ASTN2: variants seen among roughly 807,000 people sequenced by gnomAD.
The protein encoded by ASTN2 is astrotactin-2.
Under a neutral mutation model 139.8 loss-of-function variants are expected in ASTN2, and 54 were observed. That is an observed-to-expected ratio of 0.39 (90% CI 0.31 to 0.48). The LOEUF is 0.48. Among genes scored for constraint, ASTN2 ranks in the 20% least tolerant of loss-of-function variants. The pLI is 0.95. For synonymous variants in ASTN2, 756 were observed against 719.5 expected (o/e 1.05, Z -0.81); for missense variants, 1,565 against 1,725.1 (o/e 0.91, Z 1.64).
intron 2 of ASTN2, among the ~76,000 whole-genome samples, chr9:117,217,387 G>A (rs1310171969): frequency 2.0e-5 from 3 of 152,108 alleles, no homozygotes; most frequent in African/African-American, 7.2e-5. Flanking sequence ...CCCGATTATG[G>A]TTGTGGGACT....
intron 4 of ASTN2, among the ~76,000 whole-genome samples, chr9:117,098,786 A>C (rs975858740): frequency 6.6e-6 from 1 of 151,764 alleles, no homozygotes; most frequent in Non-Finnish European, 1.5e-5. Context: ...GTTAAAAAAA[A>C]AAAAAAGAAG....
rs568435858 is a variant in ASTN2, at chr9:117,090,360, C to T, written c.1276+5684G>A. On this transcript the variant is annotated intron_variant, in intron 5 of 22. Coordinates refer to ENST00000313400, the MANE Select transcript of ASTN2 (RefSeq NM_001365068.1). ...TTTTTCTCCATCCCTTTGCCTTTTT[C>T]TCCTTCCTTCCACTCTCCATATTGA... 1.6e-4 allele frequency among the ~76,000 whole-genome samples: 25 copies of T among 152,268 alleles called. No homozygotes were observed. The South Asian group carries it at 4.4e-3, about 27-fold the overall frequency.
At chr9:117,221,684 A>G (rs1832523557) in intron 2 of ASTN2, among the ~76,000 whole-genome samples, 2 of 151,854 alleles carry the variant, frequency 1.3e-5, no homozygotes, top group Non-Finnish European at 2.9e-5. Flanking sequence ...ATGGCTGAGA[A>G]CTGGTGATCC....
intron 4 of ASTN2, among the ~76,000 whole-genome samples, chr9:117,117,026 T>C (rs1013919136): frequency 6.6e-6 from 1 of 151,988 alleles, no homozygotes; most frequent in Non-Finnish European, 1.5e-5. Flanking sequence ...ATACCTCTTG[T>C]GGACAATATG....
intron 2 of ASTN2, among the ~76,000 whole-genome samples, chr9:117,217,521 A>C (rs1832365203): frequency 6.6e-6 from 1 of 152,208 alleles, no homozygotes; most frequent in Admixed American, 6.5e-5. Flanking sequence ...GCCTTCCAGT[A>C]GTAAATGGCT....
At chr9:117,409,208 T>C (rs934599054) in intron 1 of ASTN2, among the ~76,000 whole-genome samples, 1 of 152,182 alleles carries the variant, frequency 6.6e-6, no homozygotes, top group East Asian at 1.9e-4. Context: ...AAAAGTGGAA[T>C]TGATGCTAAT....
chr9:116,822,761 T>C (rs1262437978), intron 11 of ASTN2, among the ~76,000 whole-genome samples: 1 of 152,186 alleles, frequency 6.6e-6, no homozygotes, highest in African/African-American at 2.4e-5. Flanking sequence ...AGTGGTAGGC[T>C]GATAATGGAT....
intron 1 of ASTN2, among the ~76,000 whole-genome samples, chr9:117,373,609 G>A (rs1248468360): frequency 6.6e-6 from 1 of 152,190 alleles, no homozygotes; most frequent in African/African-American, 2.4e-5. Flanking sequence ...AGAGTTCATA[G>A]AAGGAACCCA....
chr9:116,579,760 T>C (rs1023802837), intron 19 of ASTN2, among the ~76,000 whole-genome samples: 36 of 152,194 alleles, frequency 2.4e-4, no homozygotes, highest in African/African-American at 8.7e-4. Flanking sequence ...CCGGCTCTGC[T>C]GTGCCATAGG....
intron 16 of ASTN2, among the ~76,000 whole-genome samples, chr9:116,678,315 G>A (rs917276309): frequency 1.3e-5 from 2 of 152,150 alleles, no homozygotes; most frequent in Non-Finnish European, 2.9e-5. Flanking sequence ...AGACCTTATC[G>A]TCACTTCTGT....
chr9:117,095,470 C>T (rs1031195541), intron 5 of ASTN2, among the ~76,000 whole-genome samples: 12 of 152,228 alleles, frequency 7.9e-5, no homozygotes, highest in African/African-American at 2.9e-4. Flanking sequence ...GTTGAAGAAA[C>T]TGCCTAGAAA....
intron 4 of ASTN2, among the ~76,000 whole-genome samples, chr9:117,121,021 A>G (rs1419011278): frequency 1.3e-5 from 2 of 152,234 alleles, no homozygotes; most frequent in Admixed American, 6.5e-5. Flanking sequence ...GGTACACAGT[A>G]TGTGTCCATT....
chr9:116,836,823 T>C (rs189863593), intron 11 of ASTN2, among the ~76,000 whole-genome samples: 1 of 151,974 alleles, frequency 6.6e-6, no homozygotes, highest in South Asian at 2.1e-4. Flanking sequence ...GCCAGAAAAA[T>C]AGAGAAAATG....
At chr9:117,000,307 A>T (rs1248807936) in intron 7 of ASTN2, among the ~76,000 whole-genome samples, 3 of 152,252 alleles carry the variant, frequency 2.0e-5, no homozygotes, top group Admixed American at 2.0e-4. Flanking sequence ...GAGAAGAGAG[A>T]ATTTAAACCT....
intron 6 of ASTN2, among the ~76,000 whole-genome samples, chr9:117,036,241 T>G (rs879651080): frequency 6.6e-6 from 1 of 152,282 alleles, no homozygotes; most frequent in Admixed American, 6.5e-5. Context: ...TATTATGGCA[T>G]GTAAGGGATG....
At chr9:116,723,936 C>T (rs935751590) in intron 16 of ASTN2, among the ~76,000 whole-genome samples, 2 of 143,856 alleles carry the variant, frequency 1.4e-5, no homozygotes, top group African/African-American at 5.2e-5. Context: ...AGGGGGACCC[C>T]TCCAGCTGTT....
chr9:117,201,467 T>A (rs1049974596), intron 3 of ASTN2, among the ~76,000 whole-genome samples: 18 of 152,196 alleles, frequency 1.2e-4, no homozygotes, highest in African/African-American at 4.3e-4. Flanking sequence ...CTTTCTGATG[T>A]GGGCATTTAG....
rs369547333 is a variant in ASTN2 at position 116,844,658 on chromosome 9, T to C, written c.2040+18925A>G. On this transcript the variant is annotated intron_variant, in intron 11 of 22. Transcript: ENST00000313400. The stretch of plus-strand genomic sequence containing the variant: ...GTCCCTAACATAGTATCTAGCACAA[T>C]GGTAAGATCCTGATTGTTATAAAAG... Among the ~76,000 whole-genome samples the C allele has an allele frequency of 2.2e-4, 34 of 151,686 alleles. No individual in the cohort carries two copies. The East Asian group carries it at 3.1e-3, about 14-fold the overall frequency.
chr9:116,481,127 C>CCTGTAACAGAGATTAGTCT (rs1456126325), intron 20 of ASTN2, among the ~76,000 whole-genome samples: 1 of 152,024 alleles, frequency 6.6e-6, no homozygotes, highest in Non-Finnish European at 1.5e-5. Flanking sequence ...GTTGCACATG[C>CCTGTAACAGAGATTAGTCT]CTGTAATCTC....
Sources: allele counts gnomAD v4.1 joint callset (sites outside exome capture counted in the v4.1 genomes callset), GRCh38; gene constraint gnomAD v4.1.1; transcripts MANE v1.5; gene names NCBI Gene and HGNC (gene_info 2026-07-23, HGNC 2026-07-21).